Variants in SEMA3A observed in about 807,000 individuals in gnomAD.
The protein encoded by SEMA3A is semaphorin-3A.
Under a neutral mutation model 97.9 loss-of-function variants are expected in SEMA3A, and 29 were observed. The observed-to-expected ratio is 0.30, with a 90% CI of 0.22 to 0.40. The LOEUF (loss-of-function observed/expected upper bound fraction) is 0.40. Among genes scored for constraint, SEMA3A ranks in the 10% least tolerant of loss-of-function variants. The pLI is 1.00. For synonymous variants in SEMA3A, 321 were observed against 323.7 expected (o/e 0.99, Z 0.09); for missense variants, 763 against 951.3 (o/e 0.80, Z 2.60).
intron 1 of SEMA3A, among the ~76,000 whole-genome samples, chr7:84,436,289 A>G (rs887781738): frequency 6.6e-6 from 1 of 152,196 alleles, no homozygotes; most frequent in Non-Finnish European, 1.5e-5. Flanking sequence ...TTTATGACTA[A>G]GTCCTCAAAA....
Position 84,256,514 on chromosome 7 carries a change from T to C in SEMA3A, c.-83+50693A>G, listed in dbSNP as rs1030702266. The stretch of plus-strand genomic sequence containing the variant: ...AAAGCCTAGTGAATTTTAGCATCTG[T>C]CTGAAAGTAGTCTAGTAAACCACTG... On this transcript the variant is annotated intron_variant, in intron 3 of 3. Coordinates refer to the SEMA3A transcript ENST00000424555. Among the ~76,000 whole-genome samples the C allele has an allele frequency of 2.6e-5, 4 of 152,182 alleles. No individual in the cohort carries two copies. The East Asian group carries it at 7.7e-4, about 29-fold the overall frequency.
chr7:84,186,079 G>A (rs191356908), intron 1 of SEMA3A, among the ~76,000 whole-genome samples: 271 of 152,184 alleles, frequency 1.8e-3, no homozygotes, highest in Middle Eastern at 3.4e-3. Flanking sequence ...TAAATATATT[G>A]CTGTTTTCCT....
intron 3 of SEMA3A, among the ~76,000 whole-genome samples, chr7:84,248,335 T>C (rs898263313): frequency 1.1e-4 from 16 of 152,222 alleles, no homozygotes; most frequent in African/African-American, 3.4e-4. Flanking sequence ...TTCTTGACCA[T>C]GCCACTCTGA....
At chr7:83,964,456 T>A (rs1163608282) in intron 15 of SEMA3A, among the ~76,000 whole-genome samples, 1 of 152,190 alleles carries the variant, frequency 6.6e-6, no homozygotes, top group Non-Finnish European at 1.5e-5. Context: ...CATAATCAAC[T>A]GAATACCTTT....
At chr7:84,352,044 A>G (rs1802450070) in intron 2 of SEMA3A, among the ~76,000 whole-genome samples, 1 of 151,696 alleles carries the variant, frequency 6.6e-6, no homozygotes, top group African/African-American at 2.4e-5. Flanking sequence ...GCCATAAGAA[A>G]AAAAAAAAAA....
At chr7:84,124,891 A>C (rs1180046501) in intron 3 of SEMA3A, among the ~76,000 whole-genome samples, 1 of 151,942 alleles carries the variant, frequency 6.6e-6, no homozygotes, top group Non-Finnish European at 1.5e-5. Flanking sequence ...GAAAATTAAA[A>C]TAAATTTTAA....
chr7:84,394,521 T>C (rs1803675350), intron 1 of SEMA3A, among the ~76,000 whole-genome samples: 1 of 152,232 alleles, frequency 6.6e-6, no homozygotes, highest in Non-Finnish European at 1.5e-5. Context: ...CTATAGAAGA[T>C]GGAGGCTCAT....
At chr7:84,107,957 A>G (rs1431552343) in intron 4 of SEMA3A, among the ~76,000 whole-genome samples, 1 of 152,124 alleles carries the variant, frequency 6.6e-6, no homozygotes, top group Non-Finnish European at 1.5e-5. Context: ...AACATTTAAG[A>G]GGGCAAAGTG....
At chr7:84,370,215 C>A (rs1802941577) in intron 2 of SEMA3A, among the ~76,000 whole-genome samples, 1 of 151,500 alleles carries the variant, frequency 6.6e-6, no homozygotes, top group African/African-American at 2.4e-5. Flanking sequence ...TGAGTATAGG[C>A]ATAAACTGAT....
intron 9 of SEMA3A, 26 bp from the exon 10 acceptor site, chr7:84,007,523 CAGA>C (rs770025091): frequency 4.3e-5 from 64 of 1,490,192 alleles, no homozygotes; most frequent in Non-Finnish European, 5.3e-5. Context: ...AGAATAAAAA[CAGA>C]AGTTCATCTT....
At chr7:84,010,216 C>T (rs1012499032) in intron 9 of SEMA3A, among the ~76,000 whole-genome samples, 3 of 152,072 alleles carry the variant, frequency 2.0e-5, no homozygotes, top group Non-Finnish European at 4.4e-5. Context: ...AAACTATTTA[C>T]ACTATGTAAA....
intron 3 of SEMA3A, among the ~76,000 whole-genome samples, chr7:84,214,430 C>T (rs1023719170): frequency 3.2e-4 from 49 of 152,230 alleles, no homozygotes; most frequent in African/African-American, 1.2e-3. Context: ...TCTACCAGCA[C>T]TGTTATTCTT....
intron 1 of SEMA3A, among the ~76,000 whole-genome samples, chr7:84,396,636 A>C (rs1803739985): frequency 6.6e-6 from 1 of 152,098 alleles, no homozygotes; most frequent in South Asian, 2.1e-4. Flanking sequence ...AAGAACAAAA[A>C]TGTAAAGAAA....
At chr7:83,971,732 G>A (rs1788921789) in intron 15 of SEMA3A, among the ~76,000 whole-genome samples, 1 of 152,142 alleles carries the variant, frequency 6.6e-6, no homozygotes, top group Admixed American at 6.6e-5. Flanking sequence ...CAATAAATAT[G>A]AAGTTAGTGG....
chr7:84,008,520 A>C (rs934279115), intron 9 of SEMA3A, among the ~76,000 whole-genome samples: 5 of 151,756 alleles, frequency 3.3e-5, no homozygotes, highest in Non-Finnish European at 7.4e-5. Context: ...AAAGAAAAAG[A>C]AATTCCATTT....
chr7:84,189,702 C>G (rs1584104185), intron 1 of SEMA3A, among the ~76,000 whole-genome samples: 1 of 151,650 alleles, frequency 6.6e-6, no homozygotes, highest in South Asian at 2.1e-4. Flanking sequence ...TCCATAACAA[C>G]AATTTAACAT....
chr7:84,261,799 G>A (rs1799862483), intron 3 of SEMA3A, among the ~76,000 whole-genome samples: 1 of 152,256 alleles, frequency 6.6e-6, no homozygotes, highest in Non-Finnish European at 1.5e-5. Flanking sequence ...TGCCAAGTGG[G>A]TGGAACAAGC....
At chr7:84,237,435 T>C (rs902487121) in intron 3 of SEMA3A, among the ~76,000 whole-genome samples, 14 of 151,764 alleles carry the variant, frequency 9.2e-5, no homozygotes, top group African/African-American at 3.4e-4. Flanking sequence ...AAGTTCATAA[T>C]CAATAAAAGA....
At chr7:84,227,483 C>T (rs927553620) in intron 3 of SEMA3A, among the ~76,000 whole-genome samples, 3 of 151,956 alleles carry the variant, frequency 2.0e-5, no homozygotes, top group African/African-American at 7.3e-5. Context: ...AAATAGCTGC[C>T]TGGAAAAGTC....
Sources: allele counts gnomAD v4.1 joint callset (sites outside exome capture counted in the v4.1 genomes callset), GRCh38; gene constraint gnomAD v4.1.1; transcripts MANE v1.5; gene names NCBI Gene and HGNC (gene_info 2026-07-23, HGNC 2026-07-21).